ADGB: variants seen among roughly 807,000 people sequenced by gnomAD.
The protein encoded by ADGB is androglobin.
ADGB carries 172 observed loss-of-function variants against 210.5 expected under a neutral mutation model. That is an observed-to-expected ratio of 0.82 (90% CI 0.72 to 0.93). The LOEUF (loss-of-function observed/expected upper bound fraction) is 0.93, where lower values mean the gene tolerates loss of function less well. Ranked by LOEUF, ADGB falls within the 40% of genes least tolerant of loss-of-function variation. The pLI is 0.00. For synonymous variants in ADGB, 658 were observed against 662.7 expected (o/e 0.99, Z 0.11); for missense variants, 2,025 against 1,964.8 (o/e 1.03, Z -0.58).
At chr6:146,605,710 T>A (rs1780621744) in intron 1 of ADGB, among the ~76,000 whole-genome samples, 1 of 152,108 alleles carries the variant, frequency 6.6e-6, no homozygotes, top group Admixed American at 6.6e-5. Flanking sequence ...TTTGGACATT[T>A]TATGAATGTC....
rs147492253 is a variant in ADGB at position 146,793,514 on chromosome 6, C to T, written c.4537+4904C>T. On this transcript the variant is annotated intron_variant, in intron 33 of 35. Coordinates refer to ENST00000397944, the MANE Select transcript of ADGB (RefSeq NM_024694.4). The stretch of plus-strand genomic sequence containing the variant: ...TAGGCCAGTCAAACAGCCAGTGGGT[C>T]GGTCCAGGGGTCCTCAGTAGAAGTT... Among the ~76,000 whole-genome samples, 1,048 of 152,230 alleles carry T rather than the reference C, an allele frequency of 6.9e-3. 9 individuals carry two copies. Among genetic ancestry groups the T allele is most frequent in the African/African-American group, 0.024 (993 of 41,520 alleles).
At position 146,736,594 on chromosome 6, in the gene ADGB, A is replaced by G. The variant is rs1156382700; in HGVS notation, c.2888+3A>G. ...CAGTATGCAGTTTCTCTCTTAAGGT[A>G]AAGCAGTCAAATGATATTTTTATTG... On this transcript the variant is annotated splice_donor_region_variant and intron_variant, in intron 23 of 35. Transcript: ENST00000397944. 1.4e-5 allele frequency: 22 copies of G among 1,524,930 alleles called. No individual in the cohort carries two copies. Among genetic ancestry groups the G allele is most frequent in the Non-Finnish European group, 1.9e-5 (22 of 1,131,632 alleles). The allele number at this position is 1,524,930 out of a possible 1,614,324, so 94.5% of individuals were successfully genotyped here. A position where few individuals can be genotyped will look rare whatever the true frequency, so the allele number is the denominator to read the frequency against.
intron 8 of ADGB, 39 bp from the exon 9 acceptor site, chr6:146,676,274 T>C (rs759949245): frequency 3.3e-6 from 5 of 1,494,202 alleles, no homozygotes; most frequent in Non-Finnish European, 4.5e-6. Flanking sequence ...TTTGAGATTG[T>C]CTAGTTAAAA....
At chr6:146,714,720 G>T (rs1776707427) in intron 13 of ADGB, among the ~76,000 whole-genome samples, 1 of 152,068 alleles carries the variant, frequency 6.6e-6, no homozygotes, top group Non-Finnish European at 1.5e-5. Context: ...TTGCTTCTGA[G>T]GTCCTAAGGC....
intron 29 of ADGB, among the ~76,000 whole-genome samples, chr6:146,780,163 A>G (rs1428310149): frequency 6.6e-6 from 1 of 152,118 alleles, no homozygotes; most frequent in Non-Finnish European, 1.5e-5. Context: ...ATTAATTCAA[A>G]CTAGATGGTT....
intron 33 of ADGB, among the ~76,000 whole-genome samples, chr6:146,789,264 A>T (rs1272064670): frequency 1.3e-5 from 2 of 152,180 alleles, no homozygotes; most frequent in East Asian, 3.9e-4. Flanking sequence ...CTTCTCTCTC[A>T]GGTGTGAGCA....
At chr6:146,757,557 C>T (rs1372046145) in intron 27 of ADGB, among the ~76,000 whole-genome samples, 1 of 151,658 alleles carries the variant, frequency 6.6e-6, no homozygotes, top group East Asian at 1.9e-4. Flanking sequence ...GTACAATACC[C>T]CAATGGTCTT....
chr6:146,701,247 T>C (rs571972556), intron 13 of ADGB, among the ~76,000 whole-genome samples, 177 bp downstream of exon 13: 2 of 152,232 alleles, frequency 1.3e-5, no homozygotes, highest in African/African-American at 4.8e-5. Flanking sequence ...AATAGTCATC[T>C]GCTATAGAAG....
intron 1 of ADGB, among the ~76,000 whole-genome samples, chr6:146,625,371 T>C (rs1562258232): frequency 6.6e-6 from 1 of 152,138 alleles, no homozygotes. Context: ...CTTTTTATAA[T>C]GTTAGTTTTG....
At chr6:146,724,105 C>A in intron 17 of ADGB, 81 bp from the exon 18 acceptor site, 1 of 1,124,068 alleles carries the variant, frequency 8.9e-7, no homozygotes, top group Non-Finnish European at 1.2e-6. Flanking sequence ...TATGTTGTTA[C>A]TTAATAAAAA....
chr6:146,681,206 C>T (rs1776152468), intron 9 of ADGB, among the ~76,000 whole-genome samples: 1 of 152,126 alleles, frequency 6.6e-6, no homozygotes, highest in Non-Finnish European at 1.5e-5. Context: ...TCCCTCATGG[C>T]TTGGTGCTGT....
chr6:146,643,474 T>C (rs765806047), intron 2 of ADGB, among the ~76,000 whole-genome samples: 15 of 151,868 alleles, frequency 9.9e-5, no homozygotes, highest in Non-Finnish European at 1.6e-4. Context: ...AATTTTAATA[T>C]TATTTTTTGT....
intron 1 of ADGB, among the ~76,000 whole-genome samples, chr6:146,632,350 C>T (rs1781077939): frequency 6.6e-6 from 1 of 152,172 alleles, no homozygotes; most frequent in South Asian, 2.1e-4. Flanking sequence ...CCTCTAACCT[C>T]CTCCGACTCC....
At chr6:146,807,779 A>G (rs2114672390) in intron 35 of ADGB, 1 of 429,732 alleles carries the variant, frequency 2.3e-6, no homozygotes, top group African/African-American at 2.1e-5. Flanking sequence ...AAGATGCTCT[A>G]ATTTCAATAA....
At position 146,635,503 on chromosome 6, in the gene ADGB, A is replaced by C; in HGVS notation, c.203A>C (p.Lys68Thr). ...SEKWDAGKGA[K>T]EKDKTGKSPV... Reference sequence around the variant, plus strand: ...AAGTGGGATGCAGGCAAAGGTGCAAAAGAAAAGGACAAAACAGGAAAAAGC... The same window carrying C: ...AAGTGGGATGCAGGCAAAGGTGCAACAGAAAAGGACAAAACAGGAAAAAGC... Residue 68 changes from lysine (K) to threonine (T), a missense_variant, in exon 2 of 36, where the codon AAA (lysine) becomes ACA (threonine). Coordinates refer to ENST00000397944, the MANE Select transcript of ADGB (RefSeq NM_024694.4). 1 of 1,548,090 alleles carries C rather than the reference A, an allele frequency of 6.5e-7. No individual in the cohort carries two copies. Among genetic ancestry groups the C allele is most frequent in the South Asian group, 1.2e-5 (1 of 83,578 alleles).
At chr6:146,627,155 G>T (rs1365923679) in intron 1 of ADGB, among the ~76,000 whole-genome samples, 1 of 151,590 alleles carries the variant, frequency 6.6e-6, no homozygotes, top group African/African-American at 2.4e-5. Context: ...AGTAATTGCT[G>T]TTTTTGCCAC....
Position 146,795,747 on chromosome 6 carries a change from T to C in ADGB, c.4538-5436T>C, listed in dbSNP as rs943403007. Among the ~76,000 whole-genome samples, 8 of 152,194 alleles carry C rather than the reference T, an allele frequency of 5.3e-5. No individual in the cohort carries two copies. The South Asian group carries it at 8.3e-4, about 16-fold the overall frequency. On this transcript the variant is annotated intron_variant, in intron 33 of 35. Coordinates refer to ENST00000397944, the MANE Select transcript of ADGB (RefSeq NM_024694.4). ...GATGTAGCAATCCCATTACTGGATG[T>C]ATACCCAGAGGAATACAAATCATTC...
intron 3 of ADGB, among the ~76,000 whole-genome samples, chr6:146,648,673 C>G (rs555943960): frequency 2.0e-5 from 3 of 152,056 alleles, no homozygotes; most frequent in African/African-American, 7.2e-5. Context: ...GGACTGCTCC[C>G]CCGACGTTTG....
chr6:146,687,707 C>T (rs1243140657), intron 10 of ADGB, among the ~76,000 whole-genome samples: 1 of 152,006 alleles, frequency 6.6e-6, no homozygotes, highest in Non-Finnish European at 1.5e-5. Context: ...ACCACCATGG[C>T]ACACATAGAC....
Sources: allele counts gnomAD v4.1 joint callset (sites outside exome capture counted in the v4.1 genomes callset), GRCh38; gene constraint gnomAD v4.1.1; transcripts MANE v1.5; gene names NCBI Gene and HGNC (gene_info 2026-07-23, HGNC 2026-07-21).